IL16: variants seen among roughly 807,000 people sequenced by gnomAD.
IL16 encodes the protein pro-interleukin-16.
Under a neutral mutation model 110.1 loss-of-function variants are expected in IL16, and 67 were observed. The ratio of observed to expected loss-of-function variants is 0.61; its 90% CI spans 0.50 to 0.75. The LOEUF (loss-of-function observed/expected upper bound fraction) is 0.75, where lower values mean the gene tolerates loss of function less well. Among genes scored for constraint, IL16 ranks in the 30% least tolerant of loss-of-function variants. The pLI, the probability that IL16 is intolerant of heterozygous loss-of-function variation, is 0.00. For missense variants in IL16, 1,545 were observed against 1,655.0 expected (o/e 0.93, Z 1.15); for synonymous variants, 689 against 662.9 (o/e 1.04, Z -0.61).
At chr15:81,193,268 G>A (rs1693235300), upstream of IL16, among the ~76,000 whole-genome samples, 2 of 152,132 alleles carry the variant, frequency 1.3e-5, no homozygotes, top group African/African-American at 4.8e-5. Flanking sequence ...TTTATTAGGG[G>A]GGGAATCAAG....
rs1567035256 is a variant in IL16 at position 81,282,707 on chromosome 15, G to GTC, written c.1151_1152dup (p.His385SerfsTer33). On this transcript the variant is annotated frameshift_variant, in exon 9 of 19. Coordinates refer to ENST00000683961, the MANE Select transcript of IL16 (RefSeq NM_172217.5). LOFTEE classifies it high-confidence loss of function. ...CTTCCAATGCATCTCTGGCATTTTC[G>GTC]TCCACACGCTGTCACCAGGATCCGT... 1 of 1,614,158 alleles carries GTC rather than the reference G, an allele frequency of 6.2e-7. No homozygotes were observed.
chr15:81,208,927 TA>T, intron 1 of IL16, among the ~76,000 whole-genome samples: 1 of 152,308 alleles, frequency 6.6e-6, no homozygotes, highest in African/African-American at 2.4e-5. Flanking sequence ...TTAAAAATAG[TA>T]TATATCTCAT....
rs1320247169 is a variant in IL16, at chr15:81,212,713, C to A, written c.-101-12586C>A. 2.6e-5 allele frequency among the ~76,000 whole-genome samples: 4 copies of A among 152,166 alleles called. No individual in the cohort carries two copies. The East Asian group carries it at 7.7e-4, about 29-fold the overall frequency. On this transcript the variant is annotated intron_variant, in intron 1 of 18. Transcript: ENST00000683961. ...TCTTAAACTCCTGACCTCAAGTGAT[C>A]TGCCTGCCTCAGCCTCCAAAAGTGC... is the stretch of plus-strand genomic sequence containing the variant.
intron 1 of IL16, among the ~76,000 whole-genome samples, chr15:81,218,881 A>T (rs577767755): frequency 6.6e-6 from 1 of 151,802 alleles, no homozygotes; most frequent in Non-Finnish European, 1.5e-5. Context: ...AAAATCTCCC[A>T]TTCATATACA....
intron 13 of IL16, 97 bp downstream of exon 13, chr15:81,297,175 CT>C (rs1900029546): frequency 6.6e-6 from 8 of 1,211,892 alleles, no homozygotes; most frequent in Non-Finnish European, 8.1e-6. Context: ...TCAGAGTGCT[CT>C]GCATTGACAT....
intron 2 of IL16, among the ~76,000 whole-genome samples, chr15:81,247,120 C>T (rs1340787770): frequency 7.9e-5 from 10 of 126,820 alleles, no homozygotes; most frequent in South Asian, 2.4e-4. Flanking sequence ...CTTGCTGGAG[C>T]GTCATCAGTA....
chr15:81,190,075 A>G (rs944495924), intron 1 of IL16, among the ~76,000 whole-genome samples: 10 of 152,316 alleles, frequency 6.6e-5, no homozygotes, highest in African/African-American at 2.4e-4. Flanking sequence ...CATCTCGGAC[A>G]TTCTGTGACA....
chr15:81,206,641 T>C (rs746578276), intron 1 of IL16, among the ~76,000 whole-genome samples: 3 of 152,154 alleles, frequency 2.0e-5, no homozygotes, highest in Non-Finnish European at 4.4e-5. Context: ...GCAATTAAAC[T>C]GGAATTTTCT....
At chr15:81,247,070 CTTTTCCTTTTT>C (rs1897578697) in intron 2 of IL16, among the ~76,000 whole-genome samples, 1 of 107,608 alleles carries the variant, frequency 9.3e-6, no homozygotes. Context: ...TCTTTCTTTT[CTTTTCCTTTTT>C]TTTTTTTTTT....
intron 1 of IL16, among the ~76,000 whole-genome samples, chr15:81,209,249 C>G (rs1348832733): frequency 6.6e-6 from 1 of 152,092 alleles, no homozygotes. Flanking sequence ...TCAGGGAAAT[C>G]ATGGGTACAC....
Position 81,259,863 on chromosome 15 carries a change from C to G in IL16, c.404C>G (p.Ala135Gly). 6.2e-7 allele frequency: 1 copy of G among 1,608,944 alleles called. No homozygotes were observed. Residue 135 changes from alanine to glycine, a missense_variant, in exon 3 of 19, where the codon GCA (alanine) becomes GGA (glycine). Transcript: ENST00000683961. ...FLFPKACHQRARSNSTSVNPY... is the reference protein window; with the variant it reads ...FLFPKACHQRGRSNSTSVNPY... ...TTTCCTAAAGCCTGCCACCAAAGGG[C>G]ACGCAGCAACTCAACCAGTAAGTGT...
At chr15:81,295,186 C>A (rs17875494) in intron 12 of IL16, 14,824 of 175,604 alleles carry the variant, frequency 0.084, 695 homozygotes, top group Middle Eastern at 0.16. Context: ...AACAAAAAAA[C>A]CAAACAAAAA....
chr15:81,230,468 A>T (rs1377091902), intron 2 of IL16, among the ~76,000 whole-genome samples: 1 of 152,118 alleles, frequency 6.6e-6, no homozygotes. Context: ...ACTTGTTATG[A>T]GCTGTCCTCT....
At chr15:81,262,346 T>C (rs1596005958) in intron 3 of IL16, among the ~76,000 whole-genome samples, 2 of 152,350 alleles carry the variant, frequency 1.3e-5, no homozygotes, top group East Asian at 3.9e-4. Flanking sequence ...AATGTGAAAG[T>C]TACTTCCACA....
chr15:81,299,230 C>T (rs1219440868), intron 13 of IL16, 150 bp from the exon 14 acceptor site: 1 of 1,259,020 alleles, frequency 7.9e-7, no homozygotes, highest in East Asian at 2.3e-5. Context: ...CAGGTAATAG[C>T]ACCTGGAGTT....
chr15:81,208,286 A>T (rs1348068096), intron 1 of IL16, among the ~76,000 whole-genome samples: 1 of 152,166 alleles, frequency 6.6e-6, no homozygotes, highest in Non-Finnish European at 1.5e-5. Context: ...CCTTTGTCAG[A>T]TGCACAGGTT....
At chr15:81,214,003 A>C (rs911861947) in intron 1 of IL16, among the ~76,000 whole-genome samples, 1 of 147,970 alleles carries the variant, frequency 6.8e-6, no homozygotes, top group Non-Finnish European at 1.5e-5. Flanking sequence ...CCTGTGGGCT[A>C]TGTGCTTAAG....
At chr15:81,216,342 G>T (rs1028029351) in intron 1 of IL16, among the ~76,000 whole-genome samples, 2 of 152,182 alleles carry the variant, frequency 1.3e-5, no homozygotes, top group Non-Finnish European at 2.9e-5. Context: ...GCATCCTTCA[G>T]TTCCCTCACT....
At chr15:81,208,047 T>C (rs1031616017) in intron 1 of IL16, among the ~76,000 whole-genome samples, 2 of 152,206 alleles carry the variant, frequency 1.3e-5, no homozygotes, top group Non-Finnish European at 2.9e-5. Context: ...CTGTTGTCTG[T>C]TGACTTTTTA....
Sources: gnomAD v4.1 joint callset for allele counts (sites outside exome capture counted in the v4.1 genomes callset) on GRCh38, gnomAD v4.1.1 for gene constraint, MANE v1.5 for transcripts, NCBI Gene and HGNC (gene_info 2026-07-23, HGNC 2026-07-21) for gene names.